The following SGMS1 variants were observed in gnomAD, a reference collection of about 807,000 sequenced individuals.
SGMS1 encodes sphingomyelin synthase 1, also known as phosphatidylcholine:ceramide cholinephosphotransferase 1.
In SGMS1, 13 loss-of-function variants were observed where a neutral mutation model predicts 46.2. The observed-to-expected ratio is 0.28, with a 90% CI of 0.18 to 0.45. The LOEUF is 0.45. Ranked by LOEUF, SGMS1 falls within the 20% of genes least tolerant of loss-of-function variation. The pLI is 1.00. For missense variants in SGMS1, 324 were observed against 519.9 expected, an observed-to-expected ratio of 0.62 and a Z score of 3.66; for synonymous variants, 203 against 187.8, an observed-to-expected ratio of 1.08 and a Z score of -0.66.
intron 6 of SGMS1, among the ~76,000 whole-genome samples, chr10:50,401,704 G>C (rs572765798): frequency 4.7e-4 from 71 of 152,192 alleles, no homozygotes; most frequent in African/African-American, 1.6e-3. Flanking sequence ...TCAACATTAG[G>C]CTTCTATTTT....
intron 2 of SGMS1, among the ~76,000 whole-genome samples, chr10:50,574,900 A>G (rs550054196): frequency 6.7e-6 from 1 of 148,542 alleles, no homozygotes; most frequent in African/African-American, 2.4e-5. Context: ...TATGTATCCC[A>G]TAAGTACATG....
At chr10:50,472,269 T>G (rs1837385088) in intron 3 of SGMS1, among the ~76,000 whole-genome samples, 1 of 152,162 alleles carries the variant, frequency 6.6e-6, no homozygotes, top group South Asian at 2.1e-4. Flanking sequence ...GATGCATTAT[T>G]TATTAATATT....
chr10:50,545,268 G>A (rs1297596334), intron 2 of SGMS1, among the ~76,000 whole-genome samples: 2 of 152,130 alleles, frequency 1.3e-5, no homozygotes, highest in African/African-American at 2.4e-5. Flanking sequence ...CTCCTTTCAG[G>A]TTTCTAGAGG....
At chr10:50,466,043 G>A (rs1028938522) in intron 4 of SGMS1, among the ~76,000 whole-genome samples, 6 of 152,066 alleles carry the variant, frequency 3.9e-5, no homozygotes, top group African/African-American at 7.2e-5. Context: ...GGTAAAGGGT[G>A]GTCTATGAGA....
intron 4 of SGMS1, among the ~76,000 whole-genome samples, chr10:50,463,038 A>G (rs1377613199): frequency 1.3e-5 from 2 of 152,100 alleles, no homozygotes; most frequent in Non-Finnish European, 2.9e-5. Flanking sequence ...TGGACTAAAC[A>G]CCTAAAATTA....
intron 1 of SGMS1, among the ~76,000 whole-genome samples, chr10:50,622,388 T>TC (rs1838860722): frequency 6.6e-6 from 1 of 152,152 alleles, no homozygotes; most frequent in East Asian, 1.9e-4. Context: ...GCCCACTCAG[T>TC]CCCCCCTGAA....
intron 6 of SGMS1, among the ~76,000 whole-genome samples, chr10:50,355,659 A>G (rs969770264): frequency 2.6e-5 from 4 of 152,180 alleles, no homozygotes; most frequent in Non-Finnish European, 5.9e-5. Flanking sequence ...TTGGCCTCCC[A>G]AAGTGCAGAG....
intron 2 of SGMS1, among the ~76,000 whole-genome samples, chr10:50,581,391 A>C (rs1002055201): frequency 6.6e-6 from 1 of 152,216 alleles, no homozygotes; most frequent in African/African-American, 2.4e-5. Flanking sequence ...TAATGATCAC[A>C]GAGTTGTGGA....
intron 1 of SGMS1, among the ~76,000 whole-genome samples, chr10:50,612,489 A>C (rs1838759246): frequency 1.3e-5 from 2 of 152,208 alleles, no homozygotes; most frequent in Admixed American, 1.3e-4. Flanking sequence ...GGAGGAGTGG[A>C]GGGGAGAAAA....
intron 7 of SGMS1, among the ~76,000 whole-genome samples, chr10:50,330,568 C>T (rs1292987922): frequency 1.3e-5 from 2 of 152,104 alleles, no homozygotes; most frequent in African/African-American, 4.8e-5. Context: ...GTTTGTTTTC[C>T]CATGAGTTGT....
chr10:50,605,828 T>G (rs1838689366), intron 1 of SGMS1, among the ~76,000 whole-genome samples: 1 of 152,210 alleles, frequency 6.6e-6, no homozygotes, highest in Non-Finnish European at 1.5e-5. Flanking sequence ...AGGTCAGGGC[T>G]TTTAGGGTAT....
chr10:50,597,099 G>A (rs1288248358), intron 1 of SGMS1, among the ~76,000 whole-genome samples: 1 of 152,172 alleles, frequency 6.6e-6, no homozygotes, highest in Non-Finnish European at 1.5e-5. Flanking sequence ...TGCGGTAGGT[G>A]AGCAACAATG....
chr10:50,328,052 AATTAGAAATAGTTTT>A (rs1847557231), intron 7 of SGMS1: 2 of 382,040 alleles, frequency 5.2e-6, no homozygotes, highest in Admixed American at 7.8e-5. Flanking sequence ...TATAAGCAAA[AATTAGAAATAGTTTT>A]ATTATTATTA....
intron 2 of SGMS1, among the ~76,000 whole-genome samples, chr10:50,521,800 A>AT (rs1364555291): frequency 1.2e-4 from 19 of 152,272 alleles, no homozygotes; most frequent in African/African-American, 4.3e-4. Flanking sequence ...TCTTCTCTGG[A>AT]TATCACATCT....
intron 6 of SGMS1, among the ~76,000 whole-genome samples, chr10:50,400,512 A>G (rs965317852): frequency 6.9e-6 from 1 of 145,238 alleles, no homozygotes; most frequent in African/African-American, 2.5e-5. Context: ...ATGCAGTGGT[A>G]TAATCACTGC....
chr10:50,512,089 G>C (rs1434443117), intron 3 of SGMS1, among the ~76,000 whole-genome samples: 1 of 152,182 alleles, frequency 6.6e-6, no homozygotes, highest in Non-Finnish European at 1.5e-5. Flanking sequence ...TTGTGAAACA[G>C]ATGGGTCATA....
At chr10:50,434,833 G>A (rs1437444759) in intron 5 of SGMS1, among the ~76,000 whole-genome samples, 1 of 145,382 alleles carries the variant, frequency 6.9e-6, no homozygotes, top group Admixed American at 7.1e-5. Flanking sequence ...GCAGTGAGCC[G>A]AGATCACGCC....
chr10:50,591,773 GAC>G (rs1401948384), intron 1 of SGMS1, among the ~76,000 whole-genome samples: 1 of 152,120 alleles, frequency 6.6e-6, no homozygotes, highest in African/African-American at 2.4e-5. Flanking sequence ...TAATGCCACA[GAC>G]ACAGCTCCGC....
intron 6 of SGMS1, among the ~76,000 whole-genome samples, chr10:50,426,400 A>G (rs541368632): frequency 1.3e-5 from 2 of 152,358 alleles, no homozygotes; most frequent in African/African-American, 2.4e-5. Context: ...GTTGTGCAGT[A>G]TTTAATAGAT....
Sources: allele counts gnomAD v4.1 joint callset (sites outside exome capture counted in the v4.1 genomes callset), GRCh38; gene constraint gnomAD v4.1.1; transcripts MANE v1.5; gene names NCBI Gene and HGNC (gene_info 2026-07-23, HGNC 2026-07-21).